The following CADM2 variants were observed in gnomAD, a reference collection of about 807,000 sequenced individuals.
The protein encoded by CADM2 is cell adhesion molecule 2.
A neutral mutation model predicts 49.8 loss-of-function variants in CADM2; 12 were observed. The ratio of observed to expected loss-of-function variants is 0.24; its 90% CI spans 0.15 to 0.39. The LOEUF (loss-of-function observed/expected upper bound fraction) is 0.39. Among genes scored for constraint, CADM2 ranks in the 10% least tolerant of loss-of-function variants. The probability of loss-of-function intolerance (pLI) is 1.00; values close to 1 mark genes in which losing one functional copy is unlikely to be tolerated. For missense variants in CADM2, 378 were observed against 492.3 expected (o/e 0.77, Z 2.20); for synonymous variants, 214 against 175.4 (o/e 1.22, Z -1.74).
chr3:86,007,885 T>A (rs780398752), intron 8 of CADM2, among the ~76,000 whole-genome samples: 1 of 152,198 alleles, frequency 6.6e-6, no homozygotes, highest in South Asian at 2.1e-4. Flanking sequence ...TATCTTAAAT[T>A]TCAGATGAGC....
At chr3:86,008,147 G>T (rs1731024889) in intron 8 of CADM2, among the ~76,000 whole-genome samples, 3 of 152,200 alleles carry the variant, frequency 2.0e-5, no homozygotes, top group South Asian at 4.1e-4. Flanking sequence ...AAAGTTGAGG[G>T]TTATTCTAAA....
At chr3:85,479,679 A>G in intron 1 of CADM2, among the ~76,000 whole-genome samples, 1 of 151,864 alleles carries the variant, frequency 6.6e-6, no homozygotes, top group East Asian at 1.9e-4. Flanking sequence ...CTAGTAATTT[A>G]CCCTAGAAGA....
At chr3:85,191,437 T>G (rs2107725394) in intron 1 of CADM2, among the ~76,000 whole-genome samples, 1 of 152,228 alleles carries the variant, frequency 6.6e-6, no homozygotes, top group East Asian at 1.9e-4. Context: ...CTAATATTAA[T>G]ATTTAGTCTT....
chr3:85,442,744 A>G (rs997354696), intron 1 of CADM2, among the ~76,000 whole-genome samples: 1 of 150,826 alleles, frequency 6.6e-6, no homozygotes, highest in Non-Finnish European at 1.5e-5. Flanking sequence ...GTGACATAAG[A>G]ATATATTTAC....
intron 1 of CADM2, among the ~76,000 whole-genome samples, chr3:85,224,994 G>T (rs539328646): frequency 1.7e-3 from 259 of 152,188 alleles, no homozygotes; most frequent in Admixed American, 4.3e-3. Flanking sequence ...TGCTATTTTG[G>T]TTACTGTAAA....
intron 5 of CADM2, among the ~76,000 whole-genome samples, chr3:85,911,335 C>T (rs1717557265): frequency 2.0e-5 from 3 of 152,134 alleles, no homozygotes; most frequent in Admixed American, 2.0e-4. Context: ...AACCTCTTTT[C>T]CACAAAGAAC....
intron 1 of CADM2, among the ~76,000 whole-genome samples, chr3:85,543,227 T>TC (rs2061584009): frequency 9.7e-6 from 1 of 103,108 alleles, no homozygotes. Flanking sequence ...GTTCCACAAC[T>TC]CTTTTTATTT....
At chr3:85,786,696 A>T (rs1246312447) in intron 2 of CADM2, among the ~76,000 whole-genome samples, 2 of 152,054 alleles carry the variant, frequency 1.3e-5, no homozygotes, top group African/African-American at 4.8e-5. Context: ...TGTGTTCAAA[A>T]ATATGTGCCC....
chr3:85,135,898 A>T (rs1161264190), intron 1 of CADM2, among the ~76,000 whole-genome samples: 3 of 152,044 alleles, frequency 2.0e-5, no homozygotes, highest in African/African-American at 7.2e-5. Flanking sequence ...AAGTGCCATG[A>T]TCAAGAATTG....
intron 1 of CADM2, among the ~76,000 whole-genome samples, chr3:85,555,462 A>G (rs2061936984): frequency 6.6e-6 from 1 of 152,154 alleles, no homozygotes; most frequent in South Asian, 2.1e-4. Context: ...TAATAGTATT[A>G]ATTGTATTTC....
chr3:85,916,754 T>A (rs1718387303), intron 6 of CADM2, among the ~76,000 whole-genome samples: 1 of 152,068 alleles, frequency 6.6e-6, no homozygotes, highest in South Asian at 2.1e-4. Flanking sequence ...CACACTGACT[T>A]CCACAATGGT....
intron 1 of CADM2, among the ~76,000 whole-genome samples, chr3:85,368,381 A>G (rs139448776): frequency 6.6e-6 from 1 of 152,054 alleles, no homozygotes. Context: ...TGGGCTAAGC[A>G]TTGCGTGGGC....
At chr3:85,733,185 G>A (rs1285940047) in intron 2 of CADM2, among the ~76,000 whole-genome samples, 5 of 152,200 alleles carry the variant, frequency 3.3e-5, no homozygotes, top group Admixed American at 3.3e-4. Flanking sequence ...TCTTGGGAAA[G>A]TGAGAAGGTA....
At position 85,444,656 on chromosome 3, in the gene CADM2, C is replaced by T. The variant is rs367978104; in HGVS notation, c.62-281866C>T. 3.9e-5 allele frequency among the ~76,000 whole-genome samples: 6 copies of T among 152,188 alleles called. No individual in the cohort carries two copies. The South Asian group carries it at 8.3e-4, about 21-fold the overall frequency. On this transcript the variant is annotated intron_variant, in intron 1 of 9. Coordinates refer to ENST00000383699, the MANE Select transcript of CADM2 (RefSeq NM_001167675.2). ...ACAGTTCCTATCCTCCTGTCCTACT[C>T]AATTTTTATTATAGTGTCTGTCAAC... is the stretch of plus-strand genomic sequence containing the variant.
At chr3:85,777,930 T>C (rs1388447638) in intron 2 of CADM2, among the ~76,000 whole-genome samples, 1 of 152,218 alleles carries the variant, frequency 6.6e-6, no homozygotes, top group African/African-American at 2.4e-5. Flanking sequence ...CTCATTTTAA[T>C]ATGCATAGGT....
At chr3:85,682,671 T>C (rs1305184113) in intron 1 of CADM2, among the ~76,000 whole-genome samples, 1 of 152,114 alleles carries the variant, frequency 6.6e-6, no homozygotes. Flanking sequence ...TTTTCTAGTT[T>C]GTATTTGATA....
chr3:85,894,541 A>T (rs1714952893), intron 5 of CADM2, among the ~76,000 whole-genome samples: 2 of 152,186 alleles, frequency 1.3e-5, no homozygotes, highest in Non-Finnish European at 2.9e-5. Flanking sequence ...GGACTGCAAA[A>T]ATGTGCATAA....
intron 1 of CADM2, among the ~76,000 whole-genome samples, chr3:85,480,805 G>A (rs1017432224): frequency 7.9e-5 from 12 of 151,710 alleles, no homozygotes; most frequent in African/African-American, 2.4e-4. Context: ...GAATTGCAAT[G>A]TTTGAGGACA....
chr3:85,932,938 A>C (rs1211537270), intron 6 of CADM2, among the ~76,000 whole-genome samples: 1 of 152,148 alleles, frequency 6.6e-6, no homozygotes, highest in Non-Finnish European at 1.5e-5. Flanking sequence ...TTTGCTTATA[A>C]TGGAAATTCT....
Sources: allele counts gnomAD v4.1 joint callset (sites outside exome capture counted in the v4.1 genomes callset), GRCh38; gene constraint gnomAD v4.1.1; transcripts MANE v1.5; gene names NCBI Gene and HGNC (gene_info 2026-07-23, HGNC 2026-07-21).